The following DNAJC11 variants were observed in gnomAD, a reference collection of about 807,000 sequenced individuals.
DNAJC11 encodes the protein dnaJ homolog subfamily C member 11.
Under a neutral mutation model 78.6 loss-of-function variants are expected in DNAJC11, and 15 were observed. That is an observed-to-expected ratio of 0.19 (90% confidence interval 0.13 to 0.29). The LOEUF (loss-of-function observed/expected upper bound fraction) is 0.29. Ranked by LOEUF, DNAJC11 falls within the 10% of genes least tolerant of loss-of-function variation. The pLI is 1.00. For synonymous variants in DNAJC11, 292 were observed against 272.1 expected, an observed-to-expected ratio of 1.07 and a Z score of -0.72; for missense variants, 547 against 709.6, an observed-to-expected ratio of 0.77 and a Z score of 2.60.
intron 10 of DNAJC11, among the ~76,000 whole-genome samples, chr1:6,640,273 C>A (rs1289733261): frequency 6.6e-6 from 1 of 152,042 alleles, no homozygotes; most frequent in Non-Finnish European, 1.5e-5. Context: ...AAGAAAGATC[C>A]CAGTGTCTGC....
At chr1:6,637,618 G>T in intron 12 of DNAJC11, 114 bp from the exon 13 acceptor site, 2 of 1,227,532 alleles carry the variant, frequency 1.6e-6, no homozygotes, top group Non-Finnish European at 2.4e-6. Context: ...TCAGGGCCTG[G>T]AAAGGAAGGG....
intron 11 of DNAJC11, 53 bp downstream of exon 11, chr1:6,639,849 G>A: frequency 1.3e-6 from 2 of 1,572,072 alleles, no homozygotes; most frequent in Non-Finnish European, 8.6e-7. Flanking sequence ...TTAAGGGTGA[G>A]GAAACTGAGG....
At chr1:6,670,046 C>G (rs1451377722) in intron 3 of DNAJC11, among the ~76,000 whole-genome samples, 1 of 151,898 alleles carries the variant, frequency 6.6e-6, no homozygotes, top group South Asian at 2.1e-4. Flanking sequence ...CTCCGCCTCC[C>G]TGGTTCACAC....
chr1:6,683,678 C>T (rs1199412294), intron 1 of DNAJC11, among the ~76,000 whole-genome samples: 2 of 152,222 alleles, frequency 1.3e-5, no homozygotes, highest in Admixed American at 6.5e-5. Flanking sequence ...AACAGGAGTA[C>T]TGAAACTGGA....
chr1:6,637,431 G>C lies in DNAJC11; in HGVS notation c.1381+16C>G, dbSNP rs753549668. On this transcript the variant is annotated intron_variant, in intron 13 of 15. Coordinates refer to ENST00000377577, the MANE Select transcript of DNAJC11 (RefSeq NM_018198.4). ...CCAGCGCCCACCCTGGACCAAGAGAGGACACATGTTCTCACCCATTCTGGA... is the reference window on the plus strand; with the variant it reads ...CCAGCGCCCACCCTGGACCAAGAGACGACACATGTTCTCACCCATTCTGGA... 1 of 1,614,196 alleles carries C rather than the reference G, an allele frequency of 6.2e-7. No individual in the cohort carries two copies. The highest frequency in any genetic ancestry group is 8.5e-7 in the Non-Finnish European group (1 of 1,180,032).
intron 1 of DNAJC11, among the ~76,000 whole-genome samples, chr1:6,694,617 A>G (rs1433634306): frequency 2.6e-5 from 4 of 151,764 alleles, no homozygotes; most frequent in Non-Finnish European, 4.4e-5. Context: ...CTGCACCTCC[A>G]CCTTAGGCTG....
At chr1:6,693,834 A>ATTTTTTTTTTTTTTT (rs34877805) in intron 1 of DNAJC11, among the ~76,000 whole-genome samples, 1 of 101,222 alleles carries the variant, frequency 9.9e-6, no homozygotes, top group Non-Finnish European at 2.0e-5. Context: ...AAGTACCCCC[A>ATTTTTTTTTTTTTTT]TTTTTTTTTT....
chr1:6,651,652 C>A (rs1222899127), intron 6 of DNAJC11, 50 bp from the exon 7 acceptor site: 3 of 1,442,606 alleles, frequency 2.1e-6, no homozygotes, highest in Non-Finnish European at 2.9e-6. Context: ...TATCTCATAG[C>A]AGCAACCCAG....
chr1:6,640,951 A>G (rs1370803541), intron 10 of DNAJC11, among the ~76,000 whole-genome samples: 2 of 152,314 alleles, frequency 1.3e-5, no homozygotes, highest in African/African-American at 2.4e-5. Flanking sequence ...AAATACAACA[A>G]CAGCCTTATC....
chr1:6,701,085 C>T lies in DNAJC11; in HGVS notation c.72+644G>A, dbSNP rs1026380952. Among the ~76,000 whole-genome samples, 3 of 152,186 alleles carry T rather than the reference C, an allele frequency of 2.0e-5. No homozygotes were observed. The East Asian group carries it at 5.8e-4, about 29-fold the overall frequency. On this transcript the variant is annotated intron_variant, in intron 1 of 15. Coordinates refer to ENST00000377577, the MANE Select transcript of DNAJC11 (RefSeq NM_018198.4). ...AAGCTGTTGTTAGGGCACCACTTTTCTGGCCTAGGGCTTCTTCCTAATCTG... is the reference window on the plus strand; with the variant it reads ...AAGCTGTTGTTAGGGCACCACTTTTTTGGCCTAGGGCTTCTTCCTAATCTG...
chr1:6,651,650 A>T, intron 6 of DNAJC11, 48 bp from the exon 7 acceptor site: 1 of 1,476,774 alleles, frequency 6.8e-7, no homozygotes, highest in Non-Finnish European at 9.4e-7. Flanking sequence ...TTTATCTCAT[A>T]GCAGCAACCC....
At chr1:6,693,820 AACCAAGT>A (rs1211065581) in intron 1 of DNAJC11, among the ~76,000 whole-genome samples, 1 of 150,186 alleles carries the variant, frequency 6.7e-6, no homozygotes, top group African/African-American at 2.5e-5. Context: ...ATCCTCCTGT[AACCAAGT>A]ACCCCCATTT....
In DNAJC11 at chr1:6,701,068, G is replaced by C. The variant is rs534457929; in HGVS notation, c.72+661C>G. 5.9e-5 allele frequency among the ~76,000 whole-genome samples: 9 copies of C among 152,296 alleles called. 2 individuals carry two copies. In the South Asian group the frequency reaches 1.9e-3, roughly 32 times the overall value. Reference sequence around the variant, plus strand: ...GCTTGGTGTGAATGTTGAAGCTGTTGTTAGGGCACCACTTTTCTGGCCTAG... The same window carrying C: ...GCTTGGTGTGAATGTTGAAGCTGTTCTTAGGGCACCACTTTTCTGGCCTAG... On this transcript the variant is annotated intron_variant, in intron 1 of 15. Coordinates refer to ENST00000377577, the MANE Select transcript of DNAJC11 (RefSeq NM_018198.4).
chr1:6,677,158 C>CAAAAAAAAAAAAAAAAAA (rs1181692411), intron 3 of DNAJC11, among the ~76,000 whole-genome samples: 1 of 49,480 alleles, frequency 2.0e-5, no homozygotes, highest in Non-Finnish European at 4.1e-5. Context: ...AACTTGGTCT[C>CAAAAAAAAAAAAAAAAAA]AAAAAAAAAA....
At chr1:6,693,435 C>G (rs1310516319) in intron 1 of DNAJC11, among the ~76,000 whole-genome samples, 1 of 152,064 alleles carries the variant, frequency 6.6e-6, no homozygotes, top group Non-Finnish European at 1.5e-5. Context: ...GGCTGGAGTG[C>G]AGTGGTGGTG....
At chr1:6,701,692 G>T (rs901212062) in intron 1 of DNAJC11, 37 bp downstream of exon 1, 14 of 1,505,192 alleles carry the variant, frequency 9.3e-6, no homozygotes, top group Non-Finnish European at 1.2e-5. Context: ...GACCGGGCTC[G>T]GCCTCAGCCC....
intron 4 of DNAJC11, among the ~76,000 whole-genome samples, chr1:6,662,173 C>T (rs1416254164): frequency 1.5e-5 from 2 of 137,606 alleles, no homozygotes; most frequent in Non-Finnish European, 3.1e-5. Flanking sequence ...CACCATGTTG[C>T]CCAGGCTCTT....
chr1:6,646,217 C>A (rs1205087365), intron 7 of DNAJC11, among the ~76,000 whole-genome samples: 1 of 152,164 alleles, frequency 6.6e-6, no homozygotes, highest in Non-Finnish European at 1.5e-5. Flanking sequence ...TTAGCTACAA[C>A]CAAATAGGCA....
At position 6,634,271 on chromosome 1, in the gene DNAJC11, C is replaced by A; in HGVS notation, c.*1404G>T. On this transcript the variant is annotated 3_prime_UTR_variant, in exon 16 of 16. Coordinates refer to ENST00000377577, the MANE Select transcript of DNAJC11 (RefSeq NM_018198.4). ...CAGAAGCACCTGCGGCAGAGGCGCA[C>A]GGGAAGCCCGGGGCCCAGGCTCATG... The A allele has an allele frequency of 1.2e-6, 1 of 854,336 alleles. No homozygotes were observed. The allele number at this position is 854,336 out of a possible 1,614,324, so 52.9% of individuals were successfully genotyped here. A position where few individuals can be genotyped will look rare whatever the true frequency, so the allele number is the denominator to read the frequency against.
Sources: gnomAD v4.1 joint callset for allele counts (sites outside exome capture counted in the v4.1 genomes callset) on GRCh38, gnomAD v4.1.1 for gene constraint, MANE v1.5 for transcripts, NCBI Gene and HGNC (gene_info 2026-07-23, HGNC 2026-07-21) for gene names.